The following TJP2 variants were observed in gnomAD, a reference collection of about 807,000 sequenced individuals.
TJP2 encodes tight junction protein 2.
In TJP2, 91 loss-of-function variants were observed where a neutral mutation model predicts 133.1. The ratio of observed to expected loss-of-function variants is 0.68; its 90% CI spans 0.58 to 0.81. The LOEUF (loss-of-function observed/expected upper bound fraction) is 0.81. TJP2 is among the 40% of genes least tolerant of loss of function. The probability of loss-of-function intolerance (pLI) is 0.00; values close to 1 mark genes in which losing one functional copy is unlikely to be tolerated. For synonymous variants in TJP2, 592 were observed against 583.4 expected (o/e 1.01, Z -0.21); for missense variants, 1,541 against 1,565.6 (o/e 0.98, Z 0.26).
rs1425093772 is a variant in TJP2 at position 69,238,707 on chromosome 9, C to T, written c.2276-3C>T. ...ATTTAGCTTCCTGTTTTTGCTTTTGCAGAAACGGAACCAAAAGATGCAGGA... is the reference window on the plus strand; with the variant it reads ...ATTTAGCTTCCTGTTTTTGCTTTTGTAGAAACGGAACCAAAAGATGCAGGA... On this transcript the variant is annotated splice_region_variant and splice_polypyrimidine_tract_variant and intron_variant, in intron 15 of 22. Transcript: ENST00000377245. 1.2e-6 allele frequency: 2 copies of T among 1,613,242 alleles called. No individual in the cohort carries two copies. The highest frequency in any genetic ancestry group is 3.3e-5 in the Admixed American group (2 of 59,978).
chr9:69,170,299 T>G (rs1824608468), upstream of TJP2, among the ~76,000 whole-genome samples: 1 of 152,154 alleles, frequency 6.6e-6, no homozygotes, highest in Non-Finnish European at 1.5e-5. Context: ...TACTTTCCAG[T>G]TTTTATTTTT....
chr9:69,208,427 A>G (rs1827603341), intron 1 of TJP2, among the ~76,000 whole-genome samples: 1 of 152,182 alleles, frequency 6.6e-6, no homozygotes, highest in Admixed American at 6.5e-5. Flanking sequence ...CTCTCTGACA[A>G]ATTTAATTTA....
Position 69,220,993 on chromosome 9 carries a change from G to C in TJP2, c.449G>C (p.Ser150Thr). 6.2e-7 allele frequency: 1 copy of C among 1,612,716 alleles called. No homozygotes were observed. The change falls in exon 5 of 23, where the codon AGT becomes ACT. Residue 150 changes from serine to threonine, a missense_variant. Physicochemically the swap from Ser to Thr is moderately conservative, Grantham distance 58 (BLOSUM62 1). Transcript: ENST00000377245. ...GTGATGGACGAGTTTGATGGCAGAAGTTTCCGGAGTGGCTACAGCGAGAGG... is the reference window on the plus strand; with the variant it reads ...GTGATGGACGAGTTTGATGGCAGAACTTTCCGGAGTGGCTACAGCGAGAGG... ...FEVMDEFDGR[S>T]FRSGYSERSR...
chr9:69,216,608 A>C (rs1408552763), intron 3 of TJP2, 145 bp downstream of exon 3: 3 of 944,876 alleles, frequency 3.2e-6, no homozygotes, highest in Non-Finnish European at 4.6e-6. Flanking sequence ...TCAAGCTGGA[A>C]TGGAAGCCAT....
chr9:69,145,399 G>A (rs1487444354), intron 1 of TJP2, among the ~76,000 whole-genome samples: 1 of 152,214 alleles, frequency 6.6e-6, no homozygotes, highest in Non-Finnish European at 1.5e-5. Context: ...AGATTTATGT[G>A]CGGATTAATT....
chr9:69,223,009 G>A (rs1366252950), intron 5 of TJP2, among the ~76,000 whole-genome samples: 1 of 144,264 alleles, frequency 6.9e-6, no homozygotes, highest in Non-Finnish European at 1.5e-5. Flanking sequence ...GGCAGAGGTT[G>A]CAGTAGCAGA....
At chr9:69,183,873 T>A (rs1825677992) in intron 1 of TJP2, among the ~76,000 whole-genome samples, 1 of 152,200 alleles carries the variant, frequency 6.6e-6, no homozygotes. Flanking sequence ...TAGCTGGGAT[T>A]ACAGGCATGC....
intron 21 of TJP2, 32 bp from the exon 22 acceptor site, chr9:69,252,783 A>G (rs775120842): frequency 1.0e-5 from 16 of 1,605,290 alleles, no homozygotes; most frequent in Non-Finnish European, 1.4e-5. Context: ...TCATTCTTTC[A>G]CTCTTATTCT....
intron 14 of TJP2, 141 bp from the exon 15 acceptor site, chr9:69,237,737 G>A (rs1391292500): frequency 8.6e-6 from 6 of 700,556 alleles, no homozygotes; most frequent in Non-Finnish European, 1.6e-5. Context: ...ATATTCTTCA[G>A]AACAGAGCCA....
At chr9:69,146,726 T>TG (rs11390613) in intron 1 of TJP2, among the ~76,000 whole-genome samples, 152,042 of 152,102 alleles carry the variant, frequency 1, 75,991 homozygotes, top group Middle Eastern at 1. Context: ...TGTCAATGTC[T>TG]GGGGCATTTT....
intron 1 of TJP2, among the ~76,000 whole-genome samples, chr9:69,137,271 T>C (rs905045190): frequency 8.7e-5 from 8 of 92,002 alleles, no homozygotes; most frequent in Non-Finnish European, 1.2e-4. Flanking sequence ...CTTTCTTTCT[T>C]TTTCTTTCTT....
At chr9:69,137,545 G>A (rs1264783712) in intron 1 of TJP2, among the ~76,000 whole-genome samples, 1 of 151,286 alleles carries the variant, frequency 6.6e-6, no homozygotes, top group Non-Finnish European at 1.5e-5. Flanking sequence ...GTATTTTTTT[G>A]TTGAGATGGA....
At chr9:69,239,821 T>TAAAC (rs56355642) in intron 16 of TJP2, 116 bp from the exon 17 acceptor site, 9 of 930,822 alleles carry the variant, frequency 9.7e-6, no homozygotes, top group African/African-American at 5.0e-5. Flanking sequence ...CCCAAATAAG[T>TAAAC]AAACAAACAA....
chr9:69,171,908 G>A (rs571652134), upstream of TJP2, among the ~76,000 whole-genome samples: 1 of 143,298 alleles, frequency 7.0e-6, no homozygotes, highest in East Asian at 2.1e-4. Context: ...CGATTCTCCT[G>A]CCTCAGCCTC....
intron 1 of TJP2, among the ~76,000 whole-genome samples, chr9:69,190,362 C>A (rs1477962090): frequency 6.6e-6 from 1 of 152,072 alleles, no homozygotes; most frequent in Non-Finnish European, 1.5e-5. Context: ...AGATTTTGAC[C>A]TTAGGTCAGC....
chr9:69,174,083 G>C (rs1401536793), upstream of TJP2: 1 of 1,127,886 alleles, frequency 8.9e-7, no homozygotes, highest in Non-Finnish European at 1.1e-6. Flanking sequence ...AGCCTCGAAG[G>C]CGCGGCGCCG....
At chr9:69,178,295 A>G (rs1483150789) in intron 1 of TJP2, among the ~76,000 whole-genome samples, 1 of 152,216 alleles carries the variant, frequency 6.6e-6, no homozygotes, top group Non-Finnish European at 1.5e-5. Context: ...CATGAATATT[A>G]TATGTTAGGA....
At chr9:69,149,681 A>C (rs1161395953) in intron 1 of TJP2, among the ~76,000 whole-genome samples, 2 of 152,194 alleles carry the variant, frequency 1.3e-5, no homozygotes, top group East Asian at 3.8e-4. Flanking sequence ...GCCCGAGTGA[A>C]GCTGCCTTCA....
chr9:69,227,682 A>G, intron 7 of TJP2, 83 bp from the exon 8 acceptor site: 1 of 949,128 alleles, frequency 1.1e-6, no homozygotes, highest in Non-Finnish European at 1.6e-6. Context: ...CGTGTTTCCT[A>G]CCCAGAGAAT....
Sources: allele counts gnomAD v4.1 joint callset (sites outside exome capture counted in the v4.1 genomes callset), GRCh38; gene constraint gnomAD v4.1.1; transcripts MANE v1.5; gene names NCBI Gene and HGNC (gene_info 2026-07-23, HGNC 2026-07-21).